FASN: variants seen among roughly 807,000 people sequenced by gnomAD.
FASN encodes fatty acid synthase.
A neutral mutation model predicts 250.0 loss-of-function variants in FASN; 50 were observed. The observed-to-expected ratio is 0.20, with a 90% confidence interval of 0.16 to 0.25. The LOEUF is 0.25. Among genes scored for constraint, FASN ranks in the 10% least tolerant of loss-of-function variants. FASN has a pLI of 1.00. For synonymous variants in FASN, 1,909 were observed against 1,584.0 expected (o/e 1.21, Z -4.87); for missense variants, 3,031 against 3,498.5 (o/e 0.87, Z 3.37).
chr17:82,088,343 G>T (rs757664414), intron 16 of FASN, 36 bp from the exon 17 acceptor site: 10 of 1,610,298 alleles, frequency 6.2e-6, no homozygotes, highest in Non-Finnish European at 8.5e-6. Context: ...CAGAGCGGGC[G>T]TCTGTGGGGA....
chr17:82,084,919 G>A lies in FASN; in HGVS notation c.4444C>T (p.His1482Tyr), dbSNP rs1337511138. ...GAGCCCGGGTCCACCTCCGGGACGT[G>A]GGAGGTGCTGCTGAGGTTGGAGAGC... is the stretch of plus-strand genomic sequence containing the variant. ...VLLSNLSSTSHVPEVDPGSAE... is the reference protein window; with the variant it reads ...VLLSNLSSTSYVPEVDPGSAE... The change falls in exon 26 of 43, where the codon CAC becomes TAC. Residue 1482 changes from histidine (H) to tyrosine (Y), a missense_variant. His to Tyr is a moderately conservative substitution (Grantham distance 83). Coordinates refer to ENST00000306749, the MANE Select transcript of FASN (RefSeq NM_004104.5). 6.4e-7 allele frequency: 1 copy of A among 1,553,210 alleles called. No individual in the cohort carries two copies. The highest frequency in any genetic ancestry group is 1.4e-5 in the African/African-American group (1 of 73,280).
At position 82,088,136 on chromosome 17, in the gene FASN, G is replaced by A. The variant is rs1202718705; in HGVS notation, c.2765C>T (p.Ala922Val). Residue 922 changes from alanine to valine, a missense_variant, in exon 17 of 43, where the codon GCC becomes GTC. Transcript: ENST00000306749. ...CTCACCAGTCTTGGGCAGGATGGTG[G>A]CCTGGTGCAGCACCACATCCTCAAA... ...VVFEDVVLHQ[A>V]TILPKTGTVS... is the part of the protein sequence containing the mutation. The A allele has an allele frequency of 2.5e-6, 4 of 1,612,786 alleles. No homozygotes were observed. Among genetic ancestry groups the A allele is most frequent in the Non-Finnish European group, 2.5e-6 (3 of 1,179,978 alleles).
Position 82,091,028 on chromosome 17 carries a change from G to C in FASN, c.1534C>G (p.Arg512Gly), listed in dbSNP as rs767886787. 8.1e-6 allele frequency: 13 copies of C among 1,612,524 alleles called. 1 individual carries two copies. The Middle Eastern group carries it at 8.2e-4, about 102-fold the overall frequency. Reference sequence around the variant, plus strand: ...ATGGAATCTCGGAAGCGGTCCAGGCGCATGAGGCTCAGCCCCATCCCGCGC... The same window carrying C: ...ATGGAATCTCGGAAGCGGTCCAGGCCCATGAGGCTCAGCCCCATCCCGCGC... ...QWRGMGLSLM[R>G]LDRFRDSILR... Residue 512 changes from arginine to glycine, a missense_variant, in exon 10 of 43, where the codon CGC (arginine) becomes GGC (glycine). By Grantham distance (125) the Arg-to-Gly change is moderately radical. Transcript: ENST00000306749.
chr17:82,081,847 TG>T lies in FASN; in HGVS notation c.6164-5del. 1 of 1,543,616 alleles carries T rather than the reference TG, an allele frequency of 6.5e-7. No homozygotes were observed. On this transcript the variant is annotated splice_region_variant and splice_polypyrimidine_tract_variant and intron_variant, in intron 36 of 42. Coordinates refer to ENST00000306749, the MANE Select transcript of FASN (RefSeq NM_004104.5). ...GCGCCCCACTGCACGGCCAGGCCTG[TG>T]GGGGAGGGGGCAGGTGGGCAGAGCT... is the stretch of plus-strand genomic sequence containing the variant.
rs1389875161 is a variant in FASN at position 82,084,294 on chromosome 17, T to C, written c.4859A>G (p.Lys1620Arg). ...CAGCAGGACAGAGGTGGCCAGGCCC[T>C]TGGCAGGCACCAGTCCCATCACACG... ...GKRVMGLVPAKGLATSVLLSP... is the reference protein window; with the variant it reads ...GKRVMGLVPARGLATSVLLSP... The change falls in exon 28 of 43, where the codon AAG becomes AGG. Residue 1620 changes from lysine to arginine, a missense_variant. By Grantham distance (26) the Lys-to-Arg change is conservative. Transcript: ENST00000306749. The C allele has an allele frequency of 1.2e-6, 2 of 1,611,166 alleles. No homozygotes were observed. The highest frequency in any genetic ancestry group is 1.1e-5 in the South Asian group (1 of 90,754).
intron 30 of FASN, 50 bp from the exon 31 acceptor site, chr17:82,083,689 CCA>C (rs1401693542): frequency 1.2e-6 from 2 of 1,604,638 alleles, no homozygotes; most frequent in Admixed American, 1.7e-5. Flanking sequence ...AGCCCAGCCA[CCA>C]CAGTCCAGAG....
Position 82,090,403 on chromosome 17 carries a change from A to T in FASN, c.1842T>A (p.His614Gln). The T allele has an allele frequency of 6.3e-7, 1 of 1,597,934 alleles. No homozygotes were observed. Among genetic ancestry groups the T allele is most frequent in the East Asian group, 2.3e-5 (1 of 44,242 alleles). ...YWRGQCIKEAHLPPGAMAAVG... is the reference protein window; with the variant it reads ...YWRGQCIKEAQLPPGAMAAVG... ...CGGCTGCCATGGCGCCCGGCGGGAG[A>T]TGGGCTTCTTTGATGCACTGTCCCC... The change falls in exon 11 of 43, where the codon CAT becomes CAA. Residue 614 changes from histidine (H) to glutamine (Q), a missense_variant. Physicochemically the swap from His to Gln is conservative, Grantham distance 24 (BLOSUM62 0). Coordinates refer to ENST00000306749, the MANE Select transcript of FASN (RefSeq NM_004104.5).
intron 17 of FASN, 32 bp from the exon 18 acceptor site, chr17:82,088,066 C>A (rs1286998202): frequency 6.2e-7 from 1 of 1,612,508 alleles, no homozygotes; most frequent in Non-Finnish European, 8.5e-7. Flanking sequence ...GATCAGAGGG[C>A]AGCACCCGCC....
intron 5 of FASN, 78 bp from the exon 6 acceptor site, chr17:82,093,097 GGGGTGGGTGCTT>G: frequency 1.9e-6 from 3 of 1,589,652 alleles, no homozygotes; most frequent in Non-Finnish European, 2.6e-6. Context: ...TCTGGGGTGT[GGGGTGGGTGCTT>G]GGGTGGGGGA....
intron 1 of FASN, 79 bp from the exon 2 acceptor site, chr17:82,096,531 T>G (rs992846697): frequency 3.1e-6 from 5 of 1,591,152 alleles, no homozygotes; most frequent in Admixed American, 1.7e-5. Context: ...CCAGAACAGG[T>G]GGACACCCAT....
intron 30 of FASN, 62 bp from the exon 31 acceptor site, chr17:82,083,701 G>C: frequency 1.2e-6 from 2 of 1,605,922 alleles, no homozygotes; most frequent in South Asian, 2.2e-5. Context: ...ACAGTCCAGA[G>C]GGCCAGACCC....
At position 82,083,864 on chromosome 17, in the gene FASN, T is replaced by C; in HGVS notation, c.5126A>G (p.Gln1709Arg). The change falls in exon 30 of 43, where the codon CAG becomes CGG. Residue 1709 changes from glutamine (Q) to arginine (R), a missense_variant. Coordinates refer to ENST00000306749, the MANE Select transcript of FASN (RefSeq NM_004104.5). ...VGSAEKRAYL[Q>R]ARFPQLDSTS... ...GCTGTCGAGCTGGGGGAACCTGGCC[T>C]GGAGGTACGCCCGCTTCTCAGCCGA... is the stretch of plus-strand genomic sequence containing the variant. 3 of 1,583,000 alleles carry C rather than the reference T, an allele frequency of 1.9e-6. No homozygotes were observed. Among genetic ancestry groups the C allele is most frequent in the Non-Finnish European group, 2.6e-6 (3 of 1,165,024 alleles).
chr17:82,092,604 G>C lies in FASN; in HGVS notation c.895-15C>G. On this transcript the variant is annotated splice_polypyrimidine_tract_variant and intron_variant, in intron 7 of 42. Transcript: ENST00000306749. ...GGGTCGCCCACCTGTGGGAAACATG[G>C]GGGGTGAGGGGCTCTGGCCAGGTCA... 1.9e-6 allele frequency: 3 copies of C among 1,605,140 alleles called. No homozygotes were observed. In the East Asian group the frequency reaches 6.7e-5, roughly 36 times the overall value.
rs750549931 is a variant in FASN at position 82,090,877 on chromosome 17, C to G, written c.1680+5G>C. 6.3e-7 allele frequency: 1 copy of G among 1,577,712 alleles called. No individual in the cohort carries two copies. The highest frequency in any genetic ancestry group is 2.4e-5 in the East Asian group (1 of 42,302). ...TTGCTCACACGCTGGCAGGCTGGGC[C>G]CTACCTGGATGGCAGTCAGGCTCAC... On this transcript the variant is annotated splice_donor_5th_base_variant and intron_variant, in intron 10 of 42. Transcript: ENST00000306749.
At position 82,087,782 on chromosome 17, in the gene FASN, G is replaced by C; in HGVS notation, c.2946C>G (p.Pro982=). Residue 982 remains proline (P), a synonymous_variant, in exon 19 of 43, where the codon CCC becomes CCG. Transcript: ENST00000306749. ...PESPTPNPTE[P]LFLAQAEVYK... ...AAACTTCAGCCTGGGCCAGGAAGAG[G>C]GGCTCCGTGGGGTTGGGGGTGGGGC... 1 of 1,612,620 alleles carries C rather than the reference G, an allele frequency of 6.2e-7. No individual in the cohort carries two copies. Among genetic ancestry groups the C allele is most frequent in the Non-Finnish European group, 8.5e-7 (1 of 1,179,962 alleles).
At position 82,089,261 on chromosome 17, in the gene FASN, C is replaced by G. The variant is rs1351017479; in HGVS notation, c.2089G>C (p.Glu697Gln). ...MEAIAPPLLQ[E>Q]LKKVIREPKP... Reference sequence around the variant, plus strand: ...CCGTATTAGTCCACCTTCTTGAGCTCCTGCAGCAGTGGGGGTGCGATGGCC... The same window carrying G: ...CCGTATTAGTCCACCTTCTTGAGCTGCTGCAGCAGTGGGGGTGCGATGGCC... Residue 697 changes from glutamate to glutamine, a missense_variant, in exon 13 of 43, where the codon GAG (glutamate) becomes CAG (glutamine). Coordinates refer to ENST00000306749, the MANE Select transcript of FASN (RefSeq NM_004104.5). 1.2e-6 allele frequency: 2 copies of G among 1,612,670 alleles called. No individual in the cohort carries two copies. The highest frequency in any genetic ancestry group is 1.7e-6 in the Non-Finnish European group (2 of 1,179,916).
At chr17:82,087,650 C>T (rs1273293579) in intron 19 of FASN, 35 bp downstream of exon 19, 1 of 1,608,258 alleles carries the variant, frequency 6.2e-7, no homozygotes, top group Non-Finnish European at 8.5e-7. Flanking sequence ...ACCGCCCTCC[C>T]CGGTGGCTTG....
At chr17:82,086,592 A>G (rs2034106233) in intron 21 of FASN, 34 bp from the exon 22 acceptor site, 1 of 1,544,348 alleles carries the variant, frequency 6.5e-7, no homozygotes, top group Admixed American at 1.7e-5. Context: ...TGGTGTTCCC[A>G]AAGCCCCAGG....
At position 82,078,448 on chromosome 17, in the gene FASN, C is replaced by T. The variant is rs1432869434; in HGVS notation, c.*695G>A. ...GTACACTGACAGTTACAGTAAATTT[C>T]AAAATCCAAGCAGCAATTTGAATCA... On this transcript the variant is annotated 3_prime_UTR_variant, in exon 43 of 43. Coordinates refer to ENST00000306749, the MANE Select transcript of FASN (RefSeq NM_004104.5). This position sits in a 1 kb window ranked among gnomAD's most constrained non-coding sequence, Gnocchi z 5.4. 1 of 153,682 alleles carries T rather than the reference C, an allele frequency of 6.5e-6. No individual in the cohort carries two copies. The highest frequency in any genetic ancestry group is 6.5e-5 in the Admixed American group (1 of 15,454). 9.5% of individuals were successfully genotyped at this position (153,682 alleles called of 1,614,324 possible).
Sources: allele counts gnomAD v4.1 joint callset, GRCh38; gene constraint gnomAD v4.1.1; non-coding constraint Gnocchi (gnomAD v3.1); transcripts MANE v1.5; gene names NCBI Gene and HGNC (gene_info 2026-07-23, HGNC 2026-07-21).